Variants in AHNAK observed in about 807,000 individuals in gnomAD.
AHNAK encodes the protein AHNAK nucleoprotein.
AHNAK carries 23 observed loss-of-function variants against 37.8 expected under a neutral mutation model. The observed-to-expected ratio is 0.61, with a 90% CI of 0.44 to 0.86. The LOEUF (loss-of-function observed/expected upper bound fraction) is 0.86. Among genes scored for constraint, AHNAK ranks in the 40% least tolerant of loss-of-function variants. The pLI is 0.00. For synonymous variants in AHNAK, 2,481 were observed against 2,636.3 expected (o/e 0.94, Z 1.80); for missense variants, 7,411 against 7,319.4 (o/e 1.01, Z -0.46).
At chr11:62,465,233 C>T (rs180801144) in intron 5 of AHNAK, among the ~76,000 whole-genome samples, 22 of 152,216 alleles carry the variant, frequency 1.4e-4, no homozygotes, top group African/African-American at 5.1e-4. Context: ...TCTGTCCCCC[C>T]CTCGAAAGAT....
chr11:62,476,707 A>G (rs1050881848), intron 5 of AHNAK, among the ~76,000 whole-genome samples: 1 of 152,346 alleles, frequency 6.6e-6, no homozygotes, highest in Admixed American at 6.5e-5. Flanking sequence ...TTTCTCGATC[A>G]GATTGTGACG....
At chr11:62,456,391 G>A (rs1459541250) in intron 5 of AHNAK, among the ~76,000 whole-genome samples, 1 of 152,194 alleles carries the variant, frequency 6.6e-6, no homozygotes, top group African/African-American at 2.4e-5. Context: ...TATGCTTTAG[G>A]CAGTTTGCAC....
chr11:62,529,239 T>C lies in AHNAK; in HGVS notation c.5178A>G (p.Lys1726=). The change falls in exon 5 of 5, where the codon AAA becomes AAG. Residue 1726 remains lysine, a synonymous_variant. Transcript: ENST00000378024. ...TCACATCCACTTCAGGGCCCTCTGCTTTGAAGCCAGGCATACTGAACTTGG... is the reference window on the plus strand; with the variant it reads ...TCACATCCACTTCAGGGCCCTCTGCCTTGAAGCCAGGCATACTGAACTTGG... The part of the protein sequence containing the change: ...KMPKFSMPGF[K]AEGPEVDVNL... The C allele has an allele frequency of 6.2e-7, 1 of 1,614,228 alleles. No individual in the cohort carries two copies. Among genetic ancestry groups the C allele is most frequent in the South Asian group, 1.1e-5 (1 of 91,078 alleles).
chr11:62,487,245 T>C (rs1332628024), intron 5 of AHNAK, among the ~76,000 whole-genome samples: 1 of 152,206 alleles, frequency 6.6e-6, no homozygotes, highest in Admixed American at 6.5e-5. Context: ...GTTCGCTTTA[T>C]CTTCACAACC....
chr11:62,531,603 C>T lies in AHNAK; in HGVS notation c.2814G>A (p.Glu938=). 1 of 1,613,560 alleles carries T rather than the reference C, an allele frequency of 6.2e-7. No homozygotes were observed. Among genetic ancestry groups the T allele is most frequent in the Non-Finnish European group, 8.5e-7 (1 of 1,179,874 alleles). The change falls in exon 5 of 5, where the codon GAG becomes GAA. Residue 938 remains glutamate, a synonymous_variant. Coordinates refer to ENST00000378024, the MANE Select transcript of AHNAK (RefSeq NM_001620.3). ...KLKGPKFKMP[E]MNIKAPKISM... is the part of the protein sequence containing the mutation. The stretch of plus-strand genomic sequence containing the variant: ...AGATCTTGGGGGCCTTGATATTCAT[C>T]TCTGGCATCTTGAACTTGGGGCCCT...
At chr11:62,457,320 C>T (rs549550082) in intron 5 of AHNAK, among the ~76,000 whole-genome samples, 1 of 152,084 alleles carries the variant, frequency 6.6e-6, no homozygotes, top group African/African-American at 2.4e-5. Context: ...TGGTGGCACA[C>T]ACCTGTAGTC....
At chr11:62,478,362 T>C (rs1023007322) in intron 5 of AHNAK, among the ~76,000 whole-genome samples, 13 of 152,380 alleles carry the variant, frequency 8.5e-5, no homozygotes, top group South Asian at 4.1e-4. Flanking sequence ...AGAGCAATGA[T>C]ACAAGAATGC....
chr11:62,449,680 G>A lies in AHNAK; in HGVS notation c.443-15789C>T, dbSNP rs561209564. 1.6e-4 allele frequency among the ~76,000 whole-genome samples: 24 copies of A among 152,304 alleles called. No individual in the cohort carries two copies. The South Asian group carries it at 2.7e-3, about 17-fold the overall frequency. On this transcript the variant is annotated intron_variant, in intron 5 of 5. Transcript: ENST00000257247. Reference sequence around the variant, plus strand: ...CCCAACACCTGGCATGCCAGGGGACGCTCGTGAAAACAAATACTGGCAAAA... The same window carrying A: ...CCCAACACCTGGCATGCCAGGGGACACTCGTGAAAACAAATACTGGCAAAA...
At chr11:62,496,587 G>A (rs778338205) in intron 4 of AHNAK, among the ~76,000 whole-genome samples, 16 of 152,078 alleles carry the variant, frequency 1.1e-4, no homozygotes, top group Admixed American at 2.0e-4. Flanking sequence ...ACAAGGTCAG[G>A]AGTTCGAGAC....
In AHNAK at chr11:62,528,061, A is replaced by G; in HGVS notation, c.6356T>C (p.Met2119Thr). Residue 2119 changes from methionine to threonine, a missense_variant, in exon 5 of 5, where the codon ATG becomes ACG. Physicochemically the swap from Met to Thr is moderately conservative, Grantham distance 81. Transcript: ENST00000378024. The stretch of plus-strand genomic sequence containing the variant: ...TTTCAAGTGTAAGTCCACATCAGGC[A>G]TGGAGATCTTGGGGGCCTTGAAGTG... ...EMHFKAPKIS[M>T]PDVDLHLKGP... 1 of 1,613,690 alleles carries G rather than the reference A, an allele frequency of 6.2e-7. No individual in the cohort carries two copies. The highest frequency in any genetic ancestry group is 2.2e-5 in the East Asian group (1 of 44,792).
chr11:62,542,562 C>A (rs1941162834), intron 1 of AHNAK, among the ~76,000 whole-genome samples: 4 of 152,128 alleles, frequency 2.6e-5, no homozygotes, highest in Admixed American at 2.6e-4. Flanking sequence ...TCTCTCTCTA[C>A]CCCAGCCACG....
At chr11:62,468,406 C>G (rs1316257820) in intron 5 of AHNAK, among the ~76,000 whole-genome samples, 2 of 150,926 alleles carry the variant, frequency 1.3e-5, no homozygotes, top group African/African-American at 4.9e-5. Flanking sequence ...TTCACAGAGA[C>G]AGACTACAGT....
chr11:62,523,068 G>A lies in AHNAK; in HGVS notation c.11349C>T (p.Gly3783=), dbSNP rs1940327930. ...DLKGPEVDIK[G]PKVDINAPDV... ...CTGGAGCATTAATGTCCACTTTGGG[G>A]CCCTTGATGTCAACTTCAGGACCCT... The change falls in exon 5 of 5, where the codon GGC becomes GGT. Residue 3783 remains glycine, a synonymous_variant. Coordinates refer to ENST00000378024, the MANE Select transcript of AHNAK (RefSeq NM_001620.3). 6.8e-6 allele frequency: 11 copies of A among 1,614,074 alleles called. No homozygotes were observed. The highest frequency in any genetic ancestry group is 9.3e-6 in the Non-Finnish European group (11 of 1,180,008).
At chr11:62,454,930 ATTT>A (rs67424324) in intron 5 of AHNAK, among the ~76,000 whole-genome samples, 25 of 134,682 alleles carry the variant, frequency 1.9e-4, no homozygotes, top group South Asian at 5.1e-4. Flanking sequence ...TTATTTATTT[ATTT>A]TTTTTTTTTT....
At position 62,524,185 on chromosome 11, in the gene AHNAK, G is replaced by A; in HGVS notation, c.10232C>T (p.Ser3411Leu). The change falls in exon 5 of 5, where the codon TCA becomes TTA. Residue 3411 changes from serine to leucine, a missense_variant. By Grantham distance (145) the Ser-to-Leu change is moderately radical. Transcript: ENST00000378024. ...GTCAGGCATAGAAACTTTGGGAGAT[G>A]AAATACTCAGGAAAGGCATTTTAAA... ...SKFKMPFLSISSPKVSMPDVE... is the reference protein window; with the variant it reads ...SKFKMPFLSILSPKVSMPDVE... The A allele has an allele frequency of 6.2e-7, 1 of 1,613,916 alleles. No homozygotes were observed. Among genetic ancestry groups the A allele is most frequent in the Non-Finnish European group, 8.5e-7 (1 of 1,179,970 alleles).
downstream of AHNAK, among the ~76,000 whole-genome samples, chr11:62,511,858 T>C (rs1939919641): frequency 6.6e-6 from 1 of 152,038 alleles, no homozygotes; most frequent in Non-Finnish European, 1.5e-5. Context: ...GCTAGTTTGT[T>C]TCTTTTCTGA....
chr11:62,517,327 T>C lies in AHNAK; in HGVS notation c.17090A>G (p.Asp5697Gly), dbSNP rs781168176. 1 of 1,614,144 alleles carries C rather than the reference T, an allele frequency of 6.2e-7. No homozygotes were observed. Among genetic ancestry groups the C allele is most frequent in the South Asian group, 1.1e-5 (1 of 91,076 alleles). ...GACTTCAGACTCTTCCCACTCGCCG[T>C]CTCCAGCACCAGCTTGGATGCTGGC... ...AEASIQAGAG[D>G]GEWEESEVKL... is the part of the protein sequence containing the mutation. The change falls in exon 5 of 5, where the codon GAC (aspartate) becomes GGC (glycine). Residue 5697 changes from aspartate to glycine, a missense_variant. Coordinates refer to ENST00000378024, the MANE Select transcript of AHNAK (RefSeq NM_001620.3).
chr11:62,474,185 A>C (rs1435690155), intron 5 of AHNAK, among the ~76,000 whole-genome samples: 1 of 150,984 alleles, frequency 6.6e-6, no homozygotes, highest in Non-Finnish European at 1.5e-5. Context: ...AGAAACCTAC[A>C]TCTTTTTTTT....
In AHNAK at chr11:62,519,836, G is replaced by A. The variant is rs764548924; in HGVS notation, c.14581C>T (p.Pro4861Ser). The A allele has an allele frequency of 3.9e-5, 63 of 1,614,012 alleles. No homozygotes were observed. Among genetic ancestry groups the A allele is most frequent in the Non-Finnish European group, 5.2e-5 (61 of 1,180,026 alleles). The stretch of plus-strand genomic sequence containing the variant: ...ACATCAAAATCTCCTTTTACTTTGG[G>A]TCCTTTCAAATCCAGGTCAACATCA... ...IPDVDLDLKG[P>S]KVKGDFDVSV... The change falls in exon 5 of 5, where the codon CCC (proline) becomes TCC (serine). Residue 4861 changes from proline to serine, a missense_variant. By Grantham distance (74) the Pro-to-Ser change is moderately conservative. Transcript: ENST00000378024.
Sources: gnomAD v4.1 joint callset for allele counts (sites outside exome capture counted in the v4.1 genomes callset) on GRCh38, gnomAD v4.1.1 for gene constraint, MANE v1.5 for transcripts, NCBI Gene and HGNC (gene_info 2026-07-23, HGNC 2026-07-21) for gene names.